SPMAP1: variants seen among roughly 807,000 people sequenced by gnomAD.
SPMAP1 encodes the protein uncharacterized protein C17orf98.
At chr17:38,839,782 A>G in the SPMAP1 span, among the ~76,000 whole-genome samples, 1 of 152,112 alleles carries the variant, frequency 6.6e-6, no homozygotes, top group Non-Finnish European at 1.5e-5. Flanking sequence ...CCTGGGCGAC[A>G]GAGCGAGACT....
chr17:38,836,894 C>T, the SPMAP1 span, among the ~76,000 whole-genome samples: 3 of 151,642 alleles, frequency 2.0e-5, no homozygotes, highest in Non-Finnish European at 2.9e-5. Context: ...TGCACCTGTC[C>T]GTGCTACTGC....
At chr17:38,837,032 G>A in the SPMAP1 span, 49 of 771,062 alleles carry the variant, frequency 6.4e-5, 1 homozygote, top group South Asian at 6.8e-4. Context: ...ATCTGCTCAT[G>A]TATGTGAAGA....
chr17:38,841,423 T>C, the SPMAP1 span: 3 of 1,604,774 alleles, frequency 1.9e-6, no homozygotes, highest in South Asian at 3.3e-5. Flanking sequence ...GCCTTTCTGG[T>C]GGGGGATGAG....
At chr17:38,835,953 C>T in the SPMAP1 span, among the ~76,000 whole-genome samples, 6 of 152,104 alleles carry the variant, frequency 3.9e-5, no homozygotes, top group African/African-American at 1.2e-4. Context: ...CTTGCACTGT[C>T]GCCCAGGCTG....
the SPMAP1 span, among the ~76,000 whole-genome samples, chr17:38,837,733 G>A: frequency 1.3e-5 from 2 of 151,798 alleles, no homozygotes; most frequent in African/African-American, 2.4e-5. Flanking sequence ...TTGCCTCTCC[G>A]GGAGGGGCAG....
the SPMAP1 span, among the ~76,000 whole-genome samples, chr17:38,837,722 A>G: frequency 6.6e-6 from 1 of 151,796 alleles, no homozygotes; most frequent in Non-Finnish European, 1.5e-5. Flanking sequence ...AGAAGAACCT[A>G]TTGCCTCTCC....
the SPMAP1 span, among the ~76,000 whole-genome samples, chr17:38,839,219 T>C: frequency 6.6e-6 from 1 of 151,394 alleles, no homozygotes; most frequent in Non-Finnish European, 1.5e-5. Context: ...GTCGTAAAAT[T>C]ACGAGTCGAT....
At chr17:38,835,461 G>T in the SPMAP1 span, 1 of 1,083,114 alleles carries the variant, frequency 9.2e-7, no homozygotes, top group Non-Finnish European at 1.4e-6. Flanking sequence ...CATTCCCCAT[G>T]CTGAACACGC....
the SPMAP1 span, chr17:38,835,149 T>G: frequency 2.5e-6 from 4 of 1,603,412 alleles, no homozygotes; most frequent in East Asian, 8.9e-5. Flanking sequence ...ACATTTGTCT[T>G]AGAAATTCAG....
At chr17:38,841,307 G>A in the SPMAP1 span, 3 of 1,614,074 alleles carry the variant, frequency 1.9e-6, no homozygotes, top group Middle Eastern at 1.6e-4. Context: ...GCGCCCATAA[G>A]CGCGGGCAGC....
chr17:38,838,454 G>A, the SPMAP1 span, among the ~76,000 whole-genome samples: 1 of 151,734 alleles, frequency 6.6e-6, no homozygotes, highest in African/African-American at 2.4e-5. Context: ...ACAAAAATTA[G>A]CCAGGTGTAG....
At chr17:38,837,725 G>A in the SPMAP1 span, among the ~76,000 whole-genome samples, 1 of 151,708 alleles carries the variant, frequency 6.6e-6, no homozygotes, top group Non-Finnish European at 1.5e-5. Flanking sequence ...AGAACCTATT[G>A]CCTCTCCGGG....
At chr17:38,839,056 A>G in the SPMAP1 span, among the ~76,000 whole-genome samples, 1 of 141,798 alleles carries the variant, frequency 7.1e-6, no homozygotes, top group Non-Finnish European at 1.5e-5. Flanking sequence ...ACTGCACTCC[A>G]GCCTGGATGA....
chr17:38,836,517 GCAAGCCCAGGAGGT>G, the SPMAP1 span, among the ~76,000 whole-genome samples: 3 of 151,834 alleles, frequency 2.0e-5, no homozygotes, highest in East Asian at 5.8e-4. Flanking sequence ...GGAGGATTGC[GCAAGCCCAGGAGGT>G]CAAGACTGCA....
At chr17:38,840,872 G>T in the SPMAP1 span, among the ~76,000 whole-genome samples, 1 of 151,646 alleles carries the variant, frequency 6.6e-6, no homozygotes, top group African/African-American at 2.4e-5. Context: ...GTCTGGCGTG[G>T]TGGCGCGCCT....
chr17:38,841,379 A>G, the SPMAP1 span: 1 of 1,613,958 alleles, frequency 6.2e-7, no homozygotes, highest in Admixed American at 1.7e-5. Flanking sequence ...ACACTCGCTC[A>G]GGTACGCCAT....
chr17:38,839,222 G>A, the SPMAP1 span, among the ~76,000 whole-genome samples: 7 of 150,574 alleles, frequency 4.6e-5, no homozygotes, highest in South Asian at 2.1e-4. Context: ...GTAAAATTAC[G>A]AGTCGATGCC....
At chr17:38,841,258 G>A in the SPMAP1 span, 13 of 1,614,176 alleles carry the variant, frequency 8.1e-6, no homozygotes, top group East Asian at 1.8e-4. Context: ...CCTGCTGCGC[G>A]TTGTAGGGCG....
At chr17:38,841,298 C>T in the SPMAP1 span, 1 of 1,614,152 alleles carries the variant, frequency 6.2e-7, no homozygotes, top group Non-Finnish European at 8.5e-7. Flanking sequence ...GGGCCTAGAG[C>T]GCCCATAAGC....
Sources: allele counts gnomAD v4.1 joint callset (sites outside exome capture counted in the v4.1 genomes callset), GRCh38; gene constraint gnomAD v4.1.1; transcripts MANE v1.5; gene names NCBI Gene and HGNC (gene_info 2026-07-23, HGNC 2026-07-21).